The following MMAA variants were observed in gnomAD, a reference collection of about 807,000 sequenced individuals.
MMAA encodes the protein methylmalonic aciduria type A protein, mitochondrial.
MMAA carries 41 observed loss-of-function variants against 45.0 expected under a neutral mutation model. The ratio of observed to expected loss-of-function variants is 0.91; its 90% CI spans 0.71 to 1.18. The LOEUF is 1.18. MMAA is among the 50% of genes most tolerant of loss of function. MMAA has a pLI of 0.00. For synonymous variants in MMAA, 154 were observed against 178.2 expected (o/e 0.86, Z 1.08); for missense variants, 460 against 495.7 (o/e 0.93, Z 0.68).
chr4:145,638,984 G>T lies in MMAA; in HGVS notation c.-65-91G>T. The T allele has an allele frequency of 5.8e-6, 4 of 684,536 alleles. No homozygotes were observed. The South Asian group carries it at 7.3e-5, about 12-fold the overall frequency. 42.4% of individuals were successfully genotyped at this position (684,536 alleles called of 1,614,324 possible). On this transcript the variant is annotated intron_variant, in intron 1 of 6. Coordinates refer to ENST00000649156, the MANE Select transcript of MMAA (RefSeq NM_172250.3). Reference sequence around the variant, plus strand: ...AAAAACTCTGATTATGTGTGGTTTAGAATATGGGGGAAACACTAGGCTTTC... The same window carrying T: ...AAAAACTCTGATTATGTGTGGTTTATAATATGGGGGAAACACTAGGCTTTC...
chr4:145,642,336 G>A, intron 2 of MMAA, 27 bp from the exon 3 acceptor site: 7 of 1,612,438 alleles, frequency 4.3e-6, no homozygotes, highest in Non-Finnish European at 5.9e-6. Flanking sequence ...TTGTTTCATT[G>A]AATTAGAAGA....
At chr4:145,648,296 C>T (rs988806993) in intron 4 of MMAA, among the ~76,000 whole-genome samples, 22 of 151,780 alleles carry the variant, frequency 1.4e-4, no homozygotes, top group Non-Finnish European at 2.1e-4. Context: ...TACAGATGCA[C>T]GCCACCACAC....
At chr4:145,651,211 A>G (rs545631797) in intron 5 of MMAA, 64 bp downstream of exon 5, 163 of 1,421,062 alleles carry the variant, frequency 1.1e-4, no homozygotes, top group Non-Finnish European at 1.6e-4. Context: ...AAAAATTTCC[A>G]ATGTTGTGTT....
In MMAA at chr4:145,659,851, C is replaced by T. The variant is rs1005290606; in HGVS notation, c.*4417C>T. 3.3e-5 allele frequency: 5 copies of T among 152,022 alleles called. No homozygotes were observed. Among genetic ancestry groups the T allele is most frequent in the Non-Finnish European group, 1.5e-5 (1 of 68,018 alleles). 9.4% of individuals were successfully genotyped at this position (152,022 alleles called of 1,614,324 possible). A position where few individuals can be genotyped will look rare whatever the true frequency, so the allele number is the denominator to read the frequency against. On this transcript the variant is annotated 3_prime_UTR_variant, in exon 7 of 7. Coordinates refer to ENST00000649156, the MANE Select transcript of MMAA (RefSeq NM_172250.3). ...TATTTTCTAGCTATTTTGTAATATA[C>T]ACTACCTTACTGTTGCGAACCATAG...
intron 1 of MMAA, among the ~76,000 whole-genome samples, chr4:145,633,964 A>G (rs1727533494): frequency 6.6e-6 from 1 of 152,214 alleles, no homozygotes; most frequent in Non-Finnish European, 1.5e-5. Context: ...ATAGGGTTAT[A>G]CAAGCAACCC....
intron 1 of MMAA, among the ~76,000 whole-genome samples, chr4:145,629,286 ACG>A (rs1250628175): frequency 1.3e-5 from 2 of 151,966 alleles, no homozygotes; most frequent in African/African-American, 4.8e-5. Flanking sequence ...ACCCACCACC[ACG>A]CCTGGCTAAT....
chr4:145,635,354 A>AGGGCG (rs1727583379), intron 1 of MMAA, among the ~76,000 whole-genome samples: 1 of 152,136 alleles, frequency 6.6e-6, no homozygotes, highest in African/African-American at 2.4e-5. Flanking sequence ...CTGCTATAAC[A>AGGGCG]GGGCGGCACT....
At position 145,635,644 on chromosome 4, in the gene MMAA, C is replaced by A. The variant is rs186821990; in HGVS notation, c.-65-3431C>A. Among the ~76,000 whole-genome samples the A allele has an allele frequency of 7.9e-4, 120 of 152,290 alleles. 1 individual carries two copies. The highest frequency in any genetic ancestry group is 1.2e-4 in the Non-Finnish European group (8 of 68,018). ...TAATAGGAGGTAGTCATGGTAAGGA[C>A]TTGTTAATTAAGGAGCATATTTTAA... On this transcript the variant is annotated intron_variant, in intron 1 of 6. Transcript: ENST00000649156.
chr4:145,626,156 C>A (rs553120244), intron 1 of MMAA: 3 of 483,682 alleles, frequency 6.2e-6, no homozygotes, highest in South Asian at 1.0e-4. Context: ...TGATCTAGTT[C>A]TTTGATTTCT....
chr4:145,650,929 T>A (rs1202803176), intron 4 of MMAA, 133 bp from the exon 5 acceptor site: 2 of 792,208 alleles, frequency 2.5e-6, no homozygotes, highest in East Asian at 5.0e-5. Context: ...AAGTGAGATG[T>A]TTAAAGGAGT....
chr4:145,642,251 G>A (rs1727807589), intron 2 of MMAA, 112 bp from the exon 3 acceptor site: 2 of 1,210,942 alleles, frequency 1.7e-6, no homozygotes, highest in Non-Finnish European at 2.4e-6. Context: ...ATTAATTGTG[G>A]TTTTAATACA....
rs1219658072 is a variant in MMAA at position 145,659,747 on chromosome 4, A to C, written c.*4313A>C. The C allele has an allele frequency of 1.3e-5, 2 of 152,142 alleles. No individual in the cohort carries two copies. Among genetic ancestry groups the C allele is most frequent in the Non-Finnish European group, 2.9e-5 (2 of 68,018 alleles). The allele number at this position is 152,142 out of a possible 1,614,324, so 9.4% of individuals were successfully genotyped here. Reference sequence around the variant, plus strand: ...TTTCAATACATGTATATGTTGTGTAATGATCAAATCGGAGTACTTAGCATA... The same window carrying C: ...TTTCAATACATGTATATGTTGTGTACTGATCAAATCGGAGTACTTAGCATA... On this transcript the variant is annotated 3_prime_UTR_variant, in exon 7 of 7. Transcript: ENST00000649156.
chr4:145,652,036 C>A (rs114213983), intron 5 of MMAA, among the ~76,000 whole-genome samples: 2,121 of 152,100 alleles, frequency 0.014, 45 homozygotes, highest in African/African-American at 0.049. Flanking sequence ...GGTTGGGGAC[C>A]CTTGCACTAG....
rs953735203 is a variant in MMAA, at chr4:145,660,018, CTT to C, written c.*4590_*4591del. On this transcript the variant is annotated 3_prime_UTR_variant, in exon 7 of 7. Transcript: ENST00000649156. ...CTGTTCTGTTCCCTATGAGATAAAA[CTT>C]TTTTTGTCTTCCATATGAGTGGGAT... The C allele has an allele frequency of 5.3e-5, 8 of 152,066 alleles. No individual in the cohort carries two copies. Among genetic ancestry groups the C allele is most frequent in the African/African-American group, 1.9e-4 (8 of 41,488 alleles). The allele number at this position is 152,066 out of a possible 1,614,324, so 9.4% of individuals were successfully genotyped here. A position where few individuals can be genotyped will look rare whatever the true frequency, so the allele number is the denominator to read the frequency against.
intron 1 of MMAA, chr4:145,624,674 C>T (rs1440668989): frequency 3.4e-6 from 5 of 1,481,878 alleles, no homozygotes; most frequent in Admixed American, 3.6e-5. Context: ...GTTTCTCAGG[C>T]TCAGGTTTGG....
intron 1 of MMAA, among the ~76,000 whole-genome samples, chr4:145,633,171 C>G (rs1727502224): frequency 7.8e-6 from 1 of 127,886 alleles, no homozygotes; most frequent in South Asian, 2.7e-4. Context: ...TGAATCCTTT[C>G]TTGTGGTATC....
At chr4:145,620,140 A>G (rs1578865564) in intron 1 of MMAA, among the ~76,000 whole-genome samples, 1 of 152,238 alleles carries the variant, frequency 6.6e-6, no homozygotes, top group South Asian at 2.1e-4. Flanking sequence ...TGGATTATTC[A>G]GCATTTTGCT....
intron 1 of MMAA, among the ~76,000 whole-genome samples, chr4:145,626,568 TAGCC>T (rs1188638311): frequency 6.6e-6 from 1 of 152,104 alleles, no homozygotes; most frequent in Non-Finnish European, 1.5e-5. Flanking sequence ...AAAAGATAAA[TAGCC>T]AGCCATAATC....
rs995305982 is a variant in MMAA at position 145,651,663 on chromosome 4, T to C, written c.819+516T>C. 2.0e-5 allele frequency among the ~76,000 whole-genome samples: 3 copies of C among 152,286 alleles called. 1 individual carries two copies. In the Middle Eastern group the frequency reaches 0.01, roughly 518 times the overall value. On this transcript the variant is annotated intron_variant, in intron 5 of 6. Transcript: ENST00000649156. The stretch of plus-strand genomic sequence containing the variant: ...CCAGGGTTCCCAGGCCACCCATACC[T>C]CTGACCAACGGGCTATAAATTTGAG...
Sources: gnomAD v4.1 joint callset for allele counts (sites outside exome capture counted in the v4.1 genomes callset) on GRCh38, gnomAD v4.1.1 for gene constraint, MANE v1.5 for transcripts, NCBI Gene and HGNC (gene_info 2026-07-23, HGNC 2026-07-21) for gene names.